The following AK7 variants were observed in gnomAD, a reference collection of about 807,000 sequenced individuals.
AK7 encodes the protein ATP-AMP transphosphorylase 7.
In AK7, 78 loss-of-function variants were observed where a neutral mutation model predicts 96.6. The observed-to-expected ratio is 0.81, with a 90% CI of 0.67 to 0.97. AK7 has a LOEUF of 0.97. AK7 is among the 50% of genes least tolerant of loss of function. AK7 has a pLI of 0.00. For missense variants in AK7, 855 were observed against 887.9 expected (o/e 0.96, Z 0.47); for synonymous variants, 302 against 317.2 (o/e 0.95, Z 0.51).
Position 96,456,464 on chromosome 14 carries a change from A to G in AK7, c.1216A>G (p.Ile406Val). 6.2e-7 allele frequency: 1 copy of G among 1,613,654 alleles called. No individual in the cohort carries two copies. The highest frequency in any genetic ancestry group is 8.5e-7 in the Non-Finnish European group (1 of 1,179,738). Residue 406 changes from isoleucine to valine, a missense_variant, in exon 11 of 18, where the codon ATA becomes GTA. Ile to Val is a conservative substitution (Grantham distance 29). Transcript: ENST00000267584. The part of the protein sequence containing the change: ...IQLKDVISEA[I>V]AKLEAIVAPN... ...ACTGAAGGATGTCATTTCTGAAGCC[A>G]TAGCAAAACTGGTAACACTTTAAAC...
At chr14:96,428,893 T>G (rs190257937) in intron 5 of AK7, among the ~76,000 whole-genome samples, 1 of 152,160 alleles carries the variant, frequency 6.6e-6, no homozygotes, top group Admixed American at 6.5e-5. Context: ...ATTACAAAAA[T>G]TTTCTTCCAT....
chr14:96,470,426 G>A (rs903780500), intron 12 of AK7, among the ~76,000 whole-genome samples: 1 of 152,174 alleles, frequency 6.6e-6, no homozygotes, highest in African/African-American at 2.4e-5. Context: ...AGGTAAGGAT[G>A]GGGCTGCGTT....
chr14:96,440,553 A>C (rs983271325), intron 6 of AK7, among the ~76,000 whole-genome samples: 2 of 152,114 alleles, frequency 1.3e-5, no homozygotes, highest in Admixed American at 6.6e-5. Flanking sequence ...TCAGCACCTC[A>C]ACTTGGATGT....
intron 4 of AK7, among the ~76,000 whole-genome samples, chr14:96,409,656 T>A (rs1448659905): frequency 6.6e-6 from 1 of 152,202 alleles, no homozygotes; most frequent in Non-Finnish European, 1.5e-5. Flanking sequence ...TCAGAGTCCA[T>A]CTCTGAATCA....
At position 96,395,718 on chromosome 14, in the gene AK7, GAAAAAAAAAAAAA is replaced by G. The variant is rs71103518; in HGVS notation, c.106-2343_106-2331del. 1.5e-4 allele frequency among the ~76,000 whole-genome samples: 6 copies of G among 41,034 alleles called. 1 individual carries two copies. Among genetic ancestry groups the G allele is most frequent in the Non-Finnish European group, 1.6e-4 (3 of 18,280 alleles). The allele number at this position is 41,034 out of a possible 152,430, so 26.9% of individuals were successfully genotyped here. A position where few individuals can be genotyped will look rare whatever the true frequency, so the allele number is the denominator to read the frequency against. On this transcript the variant is annotated intron_variant, in intron 1 of 17. Coordinates refer to ENST00000267584, the MANE Select transcript of AK7 (RefSeq NM_152327.5). ...AGGGCAGAGTAAAACCTTGTCTCTA[GAAAAAAAAAAAAA>G]AAAAAAAAAAAAAGAATGAGGGAAG...
chr14:96,429,400 C>T (rs1169018470), intron 5 of AK7, among the ~76,000 whole-genome samples: 1 of 152,160 alleles, frequency 6.6e-6, no homozygotes, highest in Non-Finnish European at 1.5e-5. Flanking sequence ...TAGCATGATG[C>T]CTCCAGCTTT....
rs770685461 is a variant in AK7, at chr14:96,451,406, T to A, written c.949-15T>A. The A allele has an allele frequency of 2.0e-5, 31 of 1,548,838 alleles. No homozygotes were observed. The highest frequency in any genetic ancestry group is 2.4e-5 in the Non-Finnish European group (28 of 1,143,544). On this transcript the variant is annotated splice_polypyrimidine_tract_variant and intron_variant, in intron 9 of 17. Transcript: ENST00000267584. ...ACAAAAAAAGACAAATCTCTAATTG[T>A]CCTCTATCTTTCAGCAAGATTGTCT...
In AK7 at chr14:96,442,825, A is replaced by G. The variant is rs370055465; in HGVS notation, c.779+7A>G. 1 of 1,612,002 alleles carries G rather than the reference A, an allele frequency of 6.2e-7. No homozygotes were observed. Among genetic ancestry groups the G allele is most frequent in the Non-Finnish European group, 8.5e-7 (1 of 1,178,124 alleles). On this transcript the variant is annotated splice_region_variant and intron_variant, in intron 7 of 17. Coordinates refer to ENST00000267584, the MANE Select transcript of AK7 (RefSeq NM_152327.5). ...ATGTTCTTGATCTAGCAGGGTAAGCATTCGCCCAGAGACGTGACCTTCACA... is the reference window on the plus strand; with the variant it reads ...ATGTTCTTGATCTAGCAGGGTAAGCGTTCGCCCAGAGACGTGACCTTCACA...
intron 5 of AK7, among the ~76,000 whole-genome samples, chr14:96,421,138 A>C (rs1255785821): frequency 6.6e-6 from 1 of 152,164 alleles, no homozygotes; most frequent in Admixed American, 6.5e-5. Context: ...GCCATCACCC[A>C]CAAAGGGGTC....
At chr14:96,398,335 T>G (rs770966836) in intron 2 of AK7, 72 bp downstream of exon 2, 2 of 1,534,280 alleles carry the variant, frequency 1.3e-6, no homozygotes, top group East Asian at 4.5e-5. Context: ...CCTTGACAAC[T>G]TGTTTTACTG....
intron 8 of AK7, among the ~76,000 whole-genome samples, chr14:96,449,353 C>T (rs538519622): frequency 5.3e-5 from 8 of 152,318 alleles, no homozygotes; most frequent in African/African-American, 1.9e-4. Context: ...CCACACTCAT[C>T]GTTATCTCCA....
chr14:96,412,573 T>G (rs1891101365), intron 4 of AK7, among the ~76,000 whole-genome samples: 1 of 139,882 alleles, frequency 7.1e-6, no homozygotes, highest in Non-Finnish European at 1.5e-5. Flanking sequence ...TTGCAGTACT[T>G]TTTTTTTTTT....
intron 12 of AK7, among the ~76,000 whole-genome samples, chr14:96,462,108 G>A (rs1349661472): frequency 6.6e-6 from 1 of 152,158 alleles, no homozygotes; most frequent in Non-Finnish European, 1.5e-5. Flanking sequence ...CTTCCCCCAG[G>A]TGTGAGAGGC....
chr14:96,394,414 T>C (rs573247779), intron 1 of AK7, among the ~76,000 whole-genome samples: 7 of 152,208 alleles, frequency 4.6e-5, no homozygotes, highest in Non-Finnish European at 8.8e-5. Context: ...TTTTTCTTTA[T>C]AGCATGCAAT....
intron 6 of AK7, among the ~76,000 whole-genome samples, chr14:96,439,309 T>C (rs1053496246): frequency 7.3e-5 from 11 of 151,144 alleles, no homozygotes; most frequent in Admixed American, 6.6e-5. Flanking sequence ...GGGAAGGAAT[T>C]AGGAAAGGAG....
At chr14:96,451,738 T>C (rs1233666718) in intron 10 of AK7, among the ~76,000 whole-genome samples, 168 bp downstream of exon 10, 1 of 152,182 alleles carries the variant, frequency 6.6e-6, no homozygotes, top group African/African-American at 2.4e-5. Context: ...TACATGTATA[T>C]CAAATTAATA....
chr14:96,409,025 G>A (rs554917014), intron 4 of AK7, 84 bp downstream of exon 4: 80 of 1,381,960 alleles, frequency 5.8e-5, no homozygotes, highest in South Asian at 3.7e-5. Context: ...TTCCTATGGC[G>A]AGTTGTGTAT....
In AK7 at chr14:96,467,657, T is replaced by C. The variant is rs778394221; in HGVS notation, c.1358-3821T>C. ...GCCCGGCTGCTGCTTCTTAAGGTAT[T>C]TCTTCCCTGAGCTGCTTACGGACAT... On this transcript the variant is annotated intron_variant, in intron 12 of 17. Transcript: ENST00000267584. Among the ~76,000 whole-genome samples, 279 of 152,238 alleles carry C rather than the reference T, an allele frequency of 1.8e-3. 1 individual carries two copies. Among genetic ancestry groups the C allele is most frequent in the Non-Finnish European group, 1.0e-3 (69 of 68,014 alleles).
intron 15 of AK7, among the ~76,000 whole-genome samples, chr14:96,480,458 T>A (rs1282771263): frequency 6.6e-6 from 1 of 151,842 alleles, no homozygotes; most frequent in Non-Finnish European, 1.5e-5. Flanking sequence ...ACAAAAACAA[T>A]TTATAAATCT....
Sources: allele counts gnomAD v4.1 joint callset (sites outside exome capture counted in the v4.1 genomes callset), GRCh38; gene constraint gnomAD v4.1.1; transcripts MANE v1.5; gene names NCBI Gene and HGNC (gene_info 2026-07-23, HGNC 2026-07-21).